FBXL7: variants seen among roughly 807,000 people sequenced by gnomAD.
FBXL7 encodes the protein F-box and leucine rich repeat protein 7.
Under a neutral mutation model 38.3 loss-of-function variants are expected in FBXL7, and 12 were observed. That is an observed-to-expected ratio of 0.31 (90% CI 0.20 to 0.51). The LOEUF is 0.51. Among genes scored for constraint, FBXL7 ranks in the 20% least tolerant of loss-of-function variants. The pLI, the probability that FBXL7 is intolerant of heterozygous loss-of-function variation, is 0.98. For missense variants in FBXL7, 567 were observed against 676.4 expected, an observed-to-expected ratio of 0.84 and a Z score of 1.79; for synonymous variants, 297 against 300.9, an observed-to-expected ratio of 0.99 and a Z score of 0.13.
At chr5:15,832,436 G>A (rs561807235) in intron 2 of FBXL7, among the ~76,000 whole-genome samples, 1 of 152,312 alleles carries the variant, frequency 6.6e-6, no homozygotes, top group Admixed American at 6.5e-5. Flanking sequence ...ACCTCCGTGT[G>A]AAGTTATATA....
intron 1 of FBXL7, among the ~76,000 whole-genome samples, chr5:15,580,027 C>A (rs980803841): frequency 6.6e-6 from 1 of 152,214 alleles, no homozygotes; most frequent in African/African-American, 2.4e-5. Flanking sequence ...TGTGTCCCCC[C>A]AATTCATGTG....
chr5:15,603,848 C>T (rs188237595), intron 1 of FBXL7, among the ~76,000 whole-genome samples: 10 of 152,202 alleles, frequency 6.6e-5, no homozygotes, highest in South Asian at 2.1e-4. Flanking sequence ...TTTAAGAGGA[C>T]GTGTGGGGCC....
At chr5:15,684,316 G>A (rs760444044) in intron 2 of FBXL7, among the ~76,000 whole-genome samples, 15 of 152,136 alleles carry the variant, frequency 9.9e-5, no homozygotes, top group Non-Finnish European at 1.9e-4. Context: ...GTGTGTGCAC[G>A]GTATCTAGGT....
intron 1 of FBXL7, among the ~76,000 whole-genome samples, chr5:15,503,281 C>T (rs766904766): frequency 1.3e-4 from 20 of 152,088 alleles, no homozygotes; most frequent in African/African-American, 2.4e-4. Flanking sequence ...AGTATCCAGG[C>T]GTGGTGGCGC....
rs2126460670 is a variant in FBXL7, at chr5:15,928,670, C to T, written c.739+169C>T. Among the ~76,000 whole-genome samples the T allele has an allele frequency of 1.3e-5, 2 of 152,174 alleles. No individual in the cohort carries two copies. The highest frequency in any genetic ancestry group is 4.8e-5 in the African/African-American group (2 of 41,524). On this transcript the variant is annotated intron_variant, in intron 3 of 3. Coordinates refer to ENST00000504595, the MANE Select transcript of FBXL7 (RefSeq NM_012304.5). This position sits in a 1 kb window ranked among gnomAD's most constrained non-coding sequence, Gnocchi z 4.0. ...AAACTGTCTCTATGGAATCATGACC[C>T]TGGAGGCCACAAGTTTCCCTTTCAT...
chr5:15,545,898 CA>C (rs1409994704), intron 1 of FBXL7, among the ~76,000 whole-genome samples: 2 of 152,182 alleles, frequency 1.3e-5, no homozygotes, highest in Non-Finnish European at 2.9e-5. Context: ...GTAGAGTTGA[CA>C]TCTGCACTGA....
intron 2 of FBXL7, among the ~76,000 whole-genome samples, chr5:15,773,166 TG>T (rs1736774523): frequency 6.6e-6 from 1 of 152,186 alleles, no homozygotes; most frequent in Non-Finnish European, 1.5e-5. Context: ...CCCCAAATCC[TG>T]GGATCACTGA....
intron 1 of FBXL7, among the ~76,000 whole-genome samples, chr5:15,548,419 A>G (rs537496579): frequency 1.3e-5 from 2 of 152,332 alleles, no homozygotes; most frequent in South Asian, 2.1e-4. Flanking sequence ...GTTAACATTC[A>G]TCAAACACTT....
rs186428983 is a variant in FBXL7 at position 15,799,331 on chromosome 5, T to C, written c.128-128559T>C. 6.0e-5 allele frequency among the ~76,000 whole-genome samples: 9 copies of C among 151,098 alleles called. No individual in the cohort carries two copies. The East Asian group carries it at 1.6e-3, about 26-fold the overall frequency. On this transcript the variant is annotated intron_variant, in intron 2 of 3. Coordinates refer to ENST00000504595, the MANE Select transcript of FBXL7 (RefSeq NM_012304.5). ...CATTGGAACAGCTGTAAAAGATCTT[T>C]TAGGTGCCTGCCCTAAACCCCTCCC...
chr5:15,519,862 A>T (rs1281889931), intron 1 of FBXL7, among the ~76,000 whole-genome samples: 2 of 152,158 alleles, frequency 1.3e-5, no homozygotes, highest in Non-Finnish European at 2.9e-5. Flanking sequence ...AGGTTCTTGG[A>T]TCTCTCACAA....
chr5:15,926,365 A>T (rs1008661580), intron 2 of FBXL7, among the ~76,000 whole-genome samples: 2 of 148,098 alleles, frequency 1.4e-5, no homozygotes, highest in African/African-American at 4.9e-5. Context: ...TATAATATAT[A>T]TTATATAATA....
intron 2 of FBXL7, among the ~76,000 whole-genome samples, chr5:15,698,911 C>T (rs1197585418): frequency 1.3e-5 from 2 of 152,202 alleles, no homozygotes; most frequent in Non-Finnish European, 2.9e-5. Context: ...CTTAGCTATG[C>T]AGATGCTCAT....
In FBXL7 at chr5:15,936,391, C is replaced by A. The variant is rs535498084; in HGVS notation, c.740-59C>A. On this transcript the variant is annotated intron_variant, in intron 3 of 3. Coordinates refer to ENST00000504595, the MANE Select transcript of FBXL7 (RefSeq NM_012304.5). This position sits in a 1 kb window ranked among gnomAD's most constrained non-coding sequence, Gnocchi z 6.0. ...GGTCAGGAATGCCCCAGGGCATCCC[C>A]AGGCGTGGCTCCCCTGCTGGCAGGT... 7.0e-5 allele frequency: 110 copies of A among 1,563,962 alleles called. 1 individual carries two copies. The South Asian group carries it at 1.3e-3, about 18-fold the overall frequency.
At chr5:15,603,169 TTGTC>T (rs372091773) in intron 1 of FBXL7, among the ~76,000 whole-genome samples, 48 of 152,348 alleles carry the variant, frequency 3.2e-4, no homozygotes, top group African/African-American at 1.1e-3. Flanking sequence ...TTCCATTTAT[TTGTC>T]TGTGCTTTAT....
chr5:15,515,530 C>T (rs903951948), intron 1 of FBXL7, among the ~76,000 whole-genome samples: 9 of 152,158 alleles, frequency 5.9e-5, no homozygotes, highest in Admixed American at 2.0e-4. Flanking sequence ...CTCCATGGTC[C>T]TGTTTTACTG....
chr5:15,758,338 A>G (rs988547187), intron 2 of FBXL7, among the ~76,000 whole-genome samples: 1 of 151,766 alleles, frequency 6.6e-6, no homozygotes, highest in African/African-American at 2.4e-5. Flanking sequence ...TTTTAGAATC[A>G]GCAGGTACAT....
At chr5:15,898,526 C>G (rs1741158835) in intron 2 of FBXL7, among the ~76,000 whole-genome samples, 1 of 152,170 alleles carries the variant, frequency 6.6e-6, no homozygotes, top group South Asian at 2.1e-4. Flanking sequence ...AAGAGATTGT[C>G]TTGAGCACTC....
At chr5:15,637,017 G>A (rs1403798026) in intron 2 of FBXL7, among the ~76,000 whole-genome samples, 1 of 152,084 alleles carries the variant, frequency 6.6e-6, no homozygotes, top group East Asian at 1.9e-4. Context: ...TTGTATTTTG[G>A]CAGAGAGGAA....
intron 1 of FBXL7, among the ~76,000 whole-genome samples, chr5:15,585,713 C>G (rs557656772): frequency 1.6e-4 from 24 of 152,280 alleles, no homozygotes; most frequent in Admixed American, 1.4e-3. Context: ...CTAGCTGTGC[C>G]TAATGAATCC....
Sources: gnomAD v4.1 joint callset for allele counts (sites outside exome capture counted in the v4.1 genomes callset) on GRCh38, gnomAD v4.1.1 for gene constraint, Gnocchi (gnomAD v3.1) non-coding constraint, MANE v1.5 for transcripts, NCBI Gene and HGNC (gene_info 2026-07-23, HGNC 2026-07-21) for gene names.